The following GRID2IP variants were observed in gnomAD, a reference collection of about 807,000 sequenced individuals.
GRID2IP encodes the protein delphilin.
GRID2IP carries 78 observed loss-of-function variants against 114.3 expected under a neutral mutation model. The observed-to-expected ratio is 0.68, with a 90% CI of 0.57 to 0.82. The LOEUF is 0.82. Ranked by LOEUF, GRID2IP falls within the 40% of genes least tolerant of loss-of-function variation. The pLI is 0.00. For missense variants in GRID2IP, 1,727 were observed against 1,678.5 expected (o/e 1.03, Z -0.51); for synonymous variants, 809 against 724.0 (o/e 1.12, Z -1.89).
intron 1 of GRID2IP, 114 bp downstream of exon 1, chr7:6,550,894 C>G: frequency 8.7e-7 from 1 of 1,150,574 alleles, no homozygotes; most frequent in Non-Finnish European, 1.1e-6. Context: ...TCTGTTAAAT[C>G]TGACCCCAGA....
intron 14 of GRID2IP, 33 bp downstream of exon 14, chr7:6,505,787 C>A (rs1786561849): frequency 1.4e-6 from 2 of 1,416,924 alleles, no homozygotes; most frequent in Non-Finnish European, 2.0e-6. Context: ...GGTGTGGTAT[C>A]TGGGGTTCCC....
At chr7:6,539,260 C>T (rs1026647152) in intron 2 of GRID2IP, among the ~76,000 whole-genome samples, 4 of 152,104 alleles carry the variant, frequency 2.6e-5, no homozygotes, top group Non-Finnish European at 5.9e-5. Flanking sequence ...TCCCAAGTAG[C>T]TGGGACTACA....
chr7:6,503,014 G>C lies in GRID2IP; in HGVS notation c.3057C>G (p.Ile1019Met). The change falls in exon 17 of 22, where the codon ATC becomes ATG. Residue 1019 changes from isoleucine (I) to methionine (M), a missense_variant. By Grantham distance (10) the Ile-to-Met change is conservative. Coordinates refer to ENST00000457091, the MANE Select transcript of GRID2IP (RefSeq NM_001145118.2). ...GAAGGGTACGCCCACTGACCTCCAG[G>C]ATCTTGGCGAGCTTCCGACTGTTTT... is the stretch of plus-strand genomic sequence containing the variant. ...ELKNSRKLAK[I>M]LEFVLAMGNY... 1 of 1,551,496 alleles carries C rather than the reference G, an allele frequency of 6.4e-7. No individual in the cohort carries two copies. The highest frequency in any genetic ancestry group is 8.7e-7 in the Non-Finnish European group (1 of 1,146,972).
Position 6,497,677 on chromosome 7 carries a change from C to G in GRID2IP, c.*97G>C. On this transcript the variant is annotated 3_prime_UTR_variant, in exon 22 of 22. Transcript: ENST00000457091. ...GGAGAGGCTGGCGGTGTGCTCAGAG[C>G]CCGGGGCACAGTGGCCCCGGACCTC... 1 of 875,904 alleles carries G rather than the reference C, an allele frequency of 1.1e-6. No homozygotes were observed. The highest frequency in any genetic ancestry group is 2.7e-5 in the East Asian group (1 of 36,494). 54.3% of individuals were successfully genotyped at this position (875,904 alleles called of 1,614,324 possible). A position where few individuals can be genotyped will look rare whatever the true frequency, so the allele number is the denominator to read the frequency against.
intron 1 of GRID2IP, among the ~76,000 whole-genome samples, chr7:6,541,649 A>G (rs1015126614): frequency 2.6e-5 from 4 of 152,238 alleles, no homozygotes; most frequent in African/African-American, 9.6e-5. Context: ...CATGGTGGAA[A>G]CGAGCGTGCA....
At chr7:6,533,322 G>C (rs1389161427) in intron 2 of GRID2IP, among the ~76,000 whole-genome samples, 1 of 151,858 alleles carries the variant, frequency 6.6e-6, no homozygotes, top group South Asian at 2.1e-4. Context: ...TATGCCTGGT[G>C]CTTCTATCTA....
In GRID2IP at chr7:6,521,160, A is replaced by G. The variant is rs1247676186; in HGVS notation, c.1084+269T>C. ...TAGTTTTTGTATTTTTAGTAGAGAC[A>G]GAGTTGTGCCATGTTGCTCAGACTG... is the stretch of plus-strand genomic sequence containing the variant. On this transcript the variant is annotated intron_variant, in intron 6 of 21. Coordinates refer to ENST00000457091, the MANE Select transcript of GRID2IP (RefSeq NM_001145118.2). This position sits in a 1 kb window ranked among gnomAD's most constrained non-coding sequence, Gnocchi z 4.1. Among the ~76,000 whole-genome samples, 2 of 152,114 alleles carry G rather than the reference A, an allele frequency of 1.3e-5. No homozygotes were observed. The highest frequency in any genetic ancestry group is 2.9e-5 in the Non-Finnish European group (2 of 68,020).
chr7:6,500,724 C>T (rs1444565024), intron 20 of GRID2IP, among the ~76,000 whole-genome samples: 2 of 152,248 alleles, frequency 1.3e-5, no homozygotes, highest in African/African-American at 2.4e-5. Flanking sequence ...TCCCCCTTAC[C>T]TAGCTTCAGC....
intron 4 of GRID2IP, among the ~76,000 whole-genome samples, chr7:6,522,511 T>A (rs890923294): frequency 1.9e-4 from 29 of 151,648 alleles, no homozygotes; most frequent in Admixed American, 6.6e-4. Context: ...TTTTTTTTTT[T>A]AATTTTAGAG....
At chr7:6,510,792 G>T (rs2115366977) in intron 9 of GRID2IP, 86 bp from the exon 10 acceptor site, 1 of 1,469,508 alleles carries the variant, frequency 6.8e-7, no homozygotes, top group Non-Finnish European at 9.3e-7. Context: ...GACCCAGGAG[G>T]GCCAATCCTG....
chr7:6,510,513 A>G (rs1786745094), intron 10 of GRID2IP, 96 bp downstream of exon 10: 4 of 1,303,136 alleles, frequency 3.1e-6, no homozygotes, highest in Admixed American at 2.9e-5. Flanking sequence ...GAAGCAGCAC[A>G]GGGACGCCTT....
At chr7:6,510,206 C>T in intron 11 of GRID2IP, 77 bp downstream of exon 11, 2 of 940,252 alleles carry the variant, frequency 2.1e-6, no homozygotes, top group Non-Finnish European at 3.2e-6. Flanking sequence ...CCTGATGGAG[C>T]AGAGAAGCAG....
intron 1 of GRID2IP, among the ~76,000 whole-genome samples, chr7:6,549,394 C>T (rs1398476660): frequency 6.6e-6 from 1 of 152,170 alleles, no homozygotes; most frequent in African/African-American, 2.4e-5. Context: ...CTGATCCATT[C>T]CAGGCTCCTC....
chr7:6,500,572 G>A (rs546835421), intron 20 of GRID2IP, among the ~76,000 whole-genome samples: 1 of 152,334 alleles, frequency 6.6e-6, no homozygotes, highest in South Asian at 2.1e-4. Context: ...TCCTGCCTGA[G>A]AGGAAAGGGC....
At chr7:6,530,386 C>T (rs1476876915) in intron 2 of GRID2IP, among the ~76,000 whole-genome samples, 1 of 152,062 alleles carries the variant, frequency 6.6e-6, no homozygotes, top group African/African-American at 2.4e-5. Flanking sequence ...GCCTCAGCCT[C>T]TCGAGTATCT....
At chr7:6,539,222 G>C (rs1779776971) in intron 2 of GRID2IP, among the ~76,000 whole-genome samples, 1 of 151,672 alleles carries the variant, frequency 6.6e-6, no homozygotes, top group Non-Finnish European at 1.5e-5. Flanking sequence ...CCACCCTCCT[G>C]GGTTCAAGCA....
At position 6,514,486 on chromosome 7, in the gene GRID2IP, T is replaced by C. The variant is rs1231771603; in HGVS notation, c.1312A>G (p.Thr438Ala). 2.6e-6 allele frequency: 4 copies of C among 1,547,888 alleles called. No individual in the cohort carries two copies. The highest frequency in any genetic ancestry group is 3.5e-6 in the Non-Finnish European group (4 of 1,145,464). Reference protein sequence around the residue: ...LIVDVYPVLDTPAKQVLWQFI... With the variant: ...LIVDVYPVLDAPAKQVLWQFI... ...TGCCACAGGACCTGCTTGGCAGGGG[T>C]GTCCAGCACAGGGTAGACGTCAACG... is the stretch of plus-strand genomic sequence containing the variant. The change falls in exon 8 of 22, where the codon ACC (threonine) becomes GCC (alanine). Residue 438 changes from threonine (T) to alanine (A), a missense_variant. Coordinates refer to ENST00000457091, the MANE Select transcript of GRID2IP (RefSeq NM_001145118.2).
Position 6,508,118 on chromosome 7 carries a change from G to A in GRID2IP, c.2411C>T (p.Pro804Leu), listed in dbSNP as rs763025235. The change falls in exon 13 of 22, where the codon CCC becomes CTC. Residue 804 changes from proline (P) to leucine (L), a missense_variant. Coordinates refer to ENST00000457091, the MANE Select transcript of GRID2IP (RefSeq NM_001145118.2). This position sits in a 1 kb window ranked among gnomAD's most constrained non-coding sequence, Gnocchi z 5.6. ...GGGGGGTGCACAGGGCACGGGTGGG[G>A]GCAGGGGCGGTGGGGGTGGTGGAGG... is the stretch of plus-strand genomic sequence containing the variant. Reference protein sequence around the residue: ...PVPPPPPPPLPPPVPCAPPML... With the variant: ...PVPPPPPPPLLPPVPCAPPML... 6.6e-7 allele frequency: 1 copy of A among 1,525,840 alleles called. No individual in the cohort carries two copies. The highest frequency in any genetic ancestry group is 1.2e-5 in the South Asian group (1 of 81,436). The allele number at this position is 1,525,840 out of a possible 1,614,324, so 94.5% of individuals were successfully genotyped here. A position where few individuals can be genotyped will look rare whatever the true frequency, so the allele number is the denominator to read the frequency against.
Position 6,528,539 on chromosome 7 carries a change from C to T in GRID2IP, c.585-1770G>A, listed in dbSNP as rs1779558919. ...GTCTCCCTGGCTGCATCCCAAGGCC[C>T]CCTTCCCTGTTCCTTGTACCAGGTG... On this transcript the variant is annotated intron_variant, in intron 2 of 21. Transcript: ENST00000457091. This position sits in a 1 kb window ranked among gnomAD's most constrained non-coding sequence, Gnocchi z 6.0. Among the ~76,000 whole-genome samples the T allele has an allele frequency of 6.6e-6, 1 of 152,186 alleles. No individual in the cohort carries two copies. The highest frequency in any genetic ancestry group is 2.1e-4 in the South Asian group (1 of 4,834).
Sources: gnomAD v4.1 joint callset for allele counts (sites outside exome capture counted in the v4.1 genomes callset) on GRCh38, gnomAD v4.1.1 for gene constraint, Gnocchi (gnomAD v3.1) non-coding constraint, MANE v1.5 for transcripts, NCBI Gene and HGNC (gene_info 2026-07-23, HGNC 2026-07-21) for gene names.